The following BLTP1 variants were observed in gnomAD, a reference collection of about 807,000 sequenced individuals.
BLTP1 encodes the protein bridge-like lipid transfer protein family member 1, also known as fragile site-associated protein.
chr4:122,333,647 C>T, the BLTP1 span: 1 of 1,602,758 alleles, frequency 6.2e-7, no homozygotes, highest in South Asian at 1.1e-5. Flanking sequence ...ATCGAAGTTC[C>T]AGGAGCTTAG....
the BLTP1 span, chr4:122,353,807 G>T: frequency 1.2e-6 from 2 of 1,602,782 alleles, no homozygotes; most frequent in South Asian, 2.2e-5. This position sits in a 1 kb window ranked among gnomAD's most constrained non-coding sequence, Gnocchi z 4.3. Flanking sequence ...TTTTTATTTT[G>T]TTGTAGGCTC....
chr4:122,277,790 A>AT, the BLTP1 span: 3 of 881,380 alleles, frequency 3.4e-6, no homozygotes, highest in Non-Finnish European at 4.1e-6. Context: ...CCCTAATTAG[A>AT]TTTTAAGAAG....
chr4:122,288,993 T>G, the BLTP1 span: 1 of 1,315,018 alleles, frequency 7.6e-7, no homozygotes, highest in Non-Finnish European at 1.0e-6. Flanking sequence ...TAGAGATAAT[T>G]ATCTCTTTTT....
At chr4:122,264,335 A>G in the BLTP1 span, 3 of 1,611,878 alleles carry the variant, frequency 1.9e-6, no homozygotes, top group South Asian at 2.2e-5. Flanking sequence ...TTTGGATGGG[A>G]CACATTCTCA....
the BLTP1 span, chr4:122,353,897 G>A: frequency 6.2e-7 from 1 of 1,613,952 alleles, no homozygotes; most frequent in Non-Finnish European, 8.5e-7. This position sits in a 1 kb window ranked among gnomAD's most constrained non-coding sequence, Gnocchi z 4.3. Flanking sequence ...ACCATGTGGT[G>A]CTTTGGAAAG....
At chr4:122,300,137 T>C in the BLTP1 span, among the ~76,000 whole-genome samples, 3 of 152,050 alleles carry the variant, frequency 2.0e-5, no homozygotes, top group Non-Finnish European at 4.4e-5. Context: ...GCCTCTCGAG[T>C]AGCTGGGATT....
chr4:122,243,457 C>T, the BLTP1 span: 1 of 984,450 alleles, frequency 1.0e-6, no homozygotes, highest in Non-Finnish European at 1.2e-6. Context: ...ATGTCAAGTC[C>T]AGGCCAGGCA....
chr4:122,215,238 A>G, the BLTP1 span: 1 of 539,988 alleles, frequency 1.9e-6, no homozygotes, highest in Non-Finnish European at 2.4e-6. Flanking sequence ...TTAAATGGAG[A>G]TTGCTTTAGT....
the BLTP1 span, chr4:122,276,682 C>T: frequency 1.1e-6 from 1 of 918,070 alleles, no homozygotes; most frequent in Non-Finnish European, 1.3e-6. Flanking sequence ...CAGTAAGTAG[C>T]AGCATTTCAG....
the BLTP1 span, chr4:122,341,904 C>T: frequency 1.4e-6 from 1 of 716,124 alleles, no homozygotes; most frequent in East Asian, 1.3e-4. Context: ...AATGGACACT[C>T]CCAGGAGAGA....
At chr4:122,169,797 C>A in the BLTP1 span, 13 of 984,288 alleles carry the variant, frequency 1.3e-5, no homozygotes, top group Non-Finnish European at 9.6e-6. Flanking sequence ...TATCTGATAG[C>A]AGGAGGTCTC....
chr4:122,271,267 G>A, the BLTP1 span: 1 of 1,613,902 alleles, frequency 6.2e-7, no homozygotes, highest in Non-Finnish European at 8.5e-7. Context: ...TTAGCACAAT[G>A]ATAGATGACA....
At chr4:122,255,787 A>C in the BLTP1 span, among the ~76,000 whole-genome samples, 9 of 152,208 alleles carry the variant, frequency 5.9e-5, no homozygotes, top group African/African-American at 2.2e-4. Flanking sequence ...TTGGGTAAGA[A>C]ATTGCTCAGG....
At chr4:122,260,591 T>C in the BLTP1 span, among the ~76,000 whole-genome samples, 1 of 152,174 alleles carries the variant, frequency 6.6e-6, no homozygotes, top group Non-Finnish European at 1.5e-5. Context: ...TTGGTGAAGA[T>C]GTAAGAAAAC....
the BLTP1 span, chr4:122,331,350 A>C: frequency 1.0e-4 from 168 of 1,611,086 alleles, no homozygotes; most frequent in Non-Finnish European, 1.4e-4. Context: ...AAAAAGCAAC[A>C]GGCTTTGCTG....
chr4:122,343,845 G>A, the BLTP1 span: 1 of 582,728 alleles, frequency 1.7e-6, no homozygotes, highest in Non-Finnish European at 2.2e-6. Flanking sequence ...GGTATACACA[G>A]CACAGTAATC....
the BLTP1 span, chr4:122,354,080 G>A: frequency 3.5e-6 from 5 of 1,431,284 alleles, no homozygotes; most frequent in South Asian, 6.1e-5. Flanking sequence ...TCTGTTGACT[G>A]TGTTTAGAAT....
the BLTP1 span, chr4:122,196,808 T>C: frequency 1.5e-6 from 2 of 1,349,920 alleles, no homozygotes; most frequent in Non-Finnish European, 1.0e-6. Context: ...ATTATAATAA[T>C]ATAGTAGAAA....
chr4:122,318,270 G>A, the BLTP1 span: 1 of 1,608,262 alleles, frequency 6.2e-7, no homozygotes, highest in African/African-American at 1.3e-5. Context: ...CCAGTATGCG[G>A]GTGAGTTCTC....
Sources: gnomAD v4.1 joint callset for allele counts (sites outside exome capture counted in the v4.1 genomes callset) on GRCh38, gnomAD v4.1.1 for gene constraint, Gnocchi (gnomAD v3.1) non-coding constraint, MANE v1.5 for transcripts, NCBI Gene and HGNC (gene_info 2026-07-23, HGNC 2026-07-21) for gene names.